GLB1: variants seen among roughly 807,000 people sequenced by gnomAD.
The protein encoded by GLB1 is beta-galactosidase.
GLB1 carries 56 observed loss-of-function variants against 74.0 expected under a neutral mutation model. The observed-to-expected ratio is 0.76, with a 90% CI of 0.61 to 0.94. The LOEUF (loss-of-function observed/expected upper bound fraction) is 0.94, where lower values mean the gene tolerates loss of function less well. GLB1 is among the 40% of genes least tolerant of loss of function. The probability of loss-of-function intolerance (pLI) is 0.00; values close to 1 mark genes in which losing one functional copy is unlikely to be tolerated. For synonymous variants in GLB1, 323 were observed against 323.6 expected, an observed-to-expected ratio of 1.00 and a Z score of 0.02; for missense variants, 787 against 845.5, an observed-to-expected ratio of 0.93 and a Z score of 0.86.
chr3:32,984,216 T>C, the GLB1 span, among the ~76,000 whole-genome samples: 53 of 152,194 alleles, frequency 3.5e-4, no homozygotes, highest in African/African-American at 1.2e-3. Context: ...GGTTGTTAGT[T>C]ATTCCTGCCT....
intron 5 of GLB1, among the ~76,000 whole-genome samples, chr3:33,064,969 G>C (rs1301844195): frequency 6.6e-6 from 1 of 152,178 alleles, no homozygotes; most frequent in East Asian, 1.9e-4. Context: ...AGTAAGAGAG[G>C]AAACATAACA....
chr3:33,088,622 A>G (rs1228580216), intron 1 of GLB1, among the ~76,000 whole-genome samples: 2 of 152,188 alleles, frequency 1.3e-5, no homozygotes, highest in African/African-American at 4.8e-5. Context: ...AACACTGTTA[A>G]AAAGAAATTA....
At chr3:33,074,284 A>C (rs77202692) in intron 1 of GLB1, among the ~76,000 whole-genome samples, 15,637 of 139,908 alleles carry the variant, frequency 0.11, 1,531 homozygotes, top group East Asian at 0.45. Flanking sequence ...TACTCCAGCC[A>C]GGTGACAGAG....
intron 1 of GLB1, chr3:33,091,735 G>T (rs956313632): frequency 2.0e-6 from 2 of 985,302 alleles, no homozygotes; most frequent in Non-Finnish European, 2.4e-6. Context: ...AGCAGGGTTA[G>T]CCTCTCCAGT....
At chr3:33,042,974 T>C (rs1464827757) in intron 10 of GLB1, among the ~76,000 whole-genome samples, 1 of 152,230 alleles carries the variant, frequency 6.6e-6, no homozygotes, top group Non-Finnish European at 1.5e-5. Context: ...TGAAATACTA[T>C]CTGAAGCCAT....
chr3:33,091,297 A>G (rs1004152979), intron 1 of GLB1: 2 of 985,444 alleles, frequency 2.0e-6, no homozygotes, highest in Non-Finnish European at 2.4e-6. Flanking sequence ...GGTGGTCTCC[A>G]GATCCCCCAG....
chr3:33,017,071 G>A (rs564591320), intron 13 of GLB1, among the ~76,000 whole-genome samples: 8 of 152,258 alleles, frequency 5.3e-5, no homozygotes, highest in East Asian at 3.9e-4. Flanking sequence ...AGCATGGAAC[G>A]GTCTAAGCTG....
At chr3:33,081,593 T>C (rs1419030145) in intron 1 of GLB1, among the ~76,000 whole-genome samples, 1 of 152,182 alleles carries the variant, frequency 6.6e-6, no homozygotes, top group East Asian at 1.9e-4. Context: ...CCTGGCATAC[T>C]TGGGAAGCCC....
At chr3:33,090,473 A>G in intron 1 of GLB1, 1 of 985,492 alleles carries the variant, frequency 1.0e-6, no homozygotes, top group Non-Finnish European at 1.2e-6. Context: ...TGACAGCATC[A>G]TATACTACAG....
intron 10 of GLB1, among the ~76,000 whole-genome samples, chr3:33,027,338 C>G (rs150446696): frequency 0.011 from 1,652 of 152,378 alleles, 111 homozygotes; most frequent in Admixed American, 0.099. Flanking sequence ...CTTGCTCACA[C>G]ACCCCTTGCC....
Position 33,016,558 on chromosome 3 carries a change from C to T in GLB1, c.1479+151G>A, listed in dbSNP as rs1182649776. ...TCTTTGTAGAGGTCTCACTATTTTA[C>T]CCAGGCTGGTCTTGAACTCCTGGCC... On this transcript the variant is annotated intron_variant, in intron 14 of 15. Transcript: ENST00000307363. 30 of 1,359,150 alleles carry T rather than the reference C, an allele frequency of 2.2e-5. No homozygotes were observed. In the East Asian group the frequency reaches 7.6e-4, roughly 34 times the overall value. 84.2% of individuals were successfully genotyped at this position (1,359,150 alleles called of 1,614,324 possible).
chr3:32,976,452 C>T, the GLB1 span, among the ~76,000 whole-genome samples: 1 of 152,226 alleles, frequency 6.6e-6, no homozygotes, highest in Non-Finnish European at 1.5e-5. Context: ...TGCCCTTGCA[C>T]TGTGATGGGG....
chr3:33,048,771 C>A (rs575684076), intron 9 of GLB1, among the ~76,000 whole-genome samples: 1 of 152,144 alleles, frequency 6.6e-6, no homozygotes. Flanking sequence ...TGATCCAAAG[C>A]GCAGTGACTC....
downstream of GLB1, chr3:32,996,552 C>A: frequency 4.6e-6 from 1 of 218,032 alleles, no homozygotes. Context: ...TTATCTAGTC[C>A]AAAAGCAAGT....
At chr3:32,996,076 C>T (rs1423875377), downstream of GLB1, among the ~76,000 whole-genome samples, 1 of 152,192 alleles carries the variant, frequency 6.6e-6, no homozygotes, top group Non-Finnish European at 1.5e-5. Context: ...TCGCCACATA[C>T]ATCTGTGAGA....
chr3:32,977,359 C>T, the GLB1 span, among the ~76,000 whole-genome samples: 2 of 152,076 alleles, frequency 1.3e-5, no homozygotes, highest in African/African-American at 4.8e-5. Context: ...GCGCCCACCA[C>T]CACACCTGGC....
chr3:32,999,398 C>T (rs1213680709), intron 15 of GLB1, among the ~76,000 whole-genome samples: 2 of 152,096 alleles, frequency 1.3e-5, no homozygotes, highest in African/African-American at 4.8e-5. Context: ...AGGAATGGCA[C>T]GCACCACACA....
intron 7 of GLB1, among the ~76,000 whole-genome samples, 183 bp from the exon 8 acceptor site, chr3:33,052,187 A>G (rs1673941771): frequency 6.6e-6 from 1 of 152,218 alleles, no homozygotes; most frequent in South Asian, 2.1e-4. Flanking sequence ...TTCAGTCCTC[A>G]GGTTCTAACC....
chr3:32,992,498 G>T (rs1022894193), downstream of GLB1, among the ~76,000 whole-genome samples: 1 of 152,210 alleles, frequency 6.6e-6, no homozygotes, highest in Non-Finnish European at 1.5e-5. Context: ...CATGGCAAAT[G>T]CTATACAAGG....
Sources: allele counts gnomAD v4.1 joint callset (sites outside exome capture counted in the v4.1 genomes callset), GRCh38; gene constraint gnomAD v4.1.1; transcripts MANE v1.5; gene names NCBI Gene and HGNC (gene_info 2026-07-23, HGNC 2026-07-21).